NADK: variants seen among roughly 807,000 people sequenced by gnomAD.
The protein encoded by NADK is poly(P)/ATP NAD kinase.
A neutral mutation model predicts 49.8 loss-of-function variants in NADK; 22 were observed. That is an observed-to-expected ratio of 0.44 (90% CI 0.32 to 0.63). NADK has a LOEUF of 0.63. NADK is among the 30% of genes least tolerant of loss of function. The pLI, the probability that NADK is intolerant of heterozygous loss-of-function variation, is 0.06. For missense variants in NADK, 438 were observed against 609.4 expected, an observed-to-expected ratio of 0.72 and a Z score of 2.96; for synonymous variants, 268 against 253.7, an observed-to-expected ratio of 1.06 and a Z score of -0.54.
At position 1,758,419 on chromosome 1, in the gene NADK, T is replaced by G; in HGVS notation, c.264-1109A>C. ...GTCACTCATGCCATCCCCTATGAGC[T>G]CAGCACCTGCCGGGTCACACATGTG... is the stretch of plus-strand genomic sequence containing the variant. On this transcript the variant is annotated intron_variant, in intron 3 of 11. Coordinates refer to ENST00000341426, the MANE Select transcript of NADK (RefSeq NM_023018.5). 2.5e-6 allele frequency: 4 copies of G among 1,612,028 alleles called. No individual in the cohort carries two copies. The South Asian group carries it at 4.4e-5, about 18-fold the overall frequency.
At chr1:1,756,192 T>G in intron 6 of NADK, 66 bp downstream of exon 6, 2 of 1,420,038 alleles carry the variant, frequency 1.4e-6, no homozygotes, top group Non-Finnish European at 2.0e-6. Context: ...GCCATGCTTG[T>G]GAGCCCCTCG....
chr1:1,756,953 G>A (rs1267965899), intron 4 of NADK: 2 of 843,838 alleles, frequency 2.4e-6, no homozygotes, highest in African/African-American at 1.7e-5. Flanking sequence ...CCGGCCTCCA[G>A]GGCCACGAGC....
At chr1:1,769,407 C>T (rs1233874337) in intron 1 of NADK, among the ~76,000 whole-genome samples, 5 of 152,068 alleles carry the variant, frequency 3.3e-5, no homozygotes, top group South Asian at 2.1e-4. Flanking sequence ...AACAATTAGC[C>T]GGGCGTGGTG....
At chr1:1,771,546 A>G (rs1570577877) in intron 1 of NADK, among the ~76,000 whole-genome samples, 1 of 152,206 alleles carries the variant, frequency 6.6e-6, no homozygotes, top group East Asian at 1.9e-4. Context: ...TCAAGGAAAC[A>G]GGACGGCCAG....
rs1055247064 is a variant in NADK at position 1,757,401 on chromosome 1, A to G, written c.264-91T>C. ...TTAGAAAATAAAAAAAAAAATCTTT[A>G]AAAAGGTGTTTTCACCTCCCAGGGA... On this transcript the variant is annotated intron_variant, in intron 3 of 11. Coordinates refer to ENST00000341426, the MANE Select transcript of NADK (RefSeq NM_023018.5). The G allele has an allele frequency of 5.6e-5, 70 of 1,246,622 alleles. No individual in the cohort carries two copies. The East Asian group carries it at 1.5e-3, about 27-fold the overall frequency. 77.2% of individuals were successfully genotyped at this position (1,246,622 alleles called of 1,614,324 possible).
upstream of NADK, among the ~76,000 whole-genome samples, chr1:1,779,409 C>T (rs1254556987): frequency 6.6e-6 from 1 of 152,166 alleles, no homozygotes; most frequent in South Asian, 2.1e-4. Flanking sequence ...GTTCTCAGCT[C>T]TCGAGTCACT....
intron 1 of NADK, among the ~76,000 whole-genome samples, chr1:1,775,365 C>T (rs1238793593): frequency 6.6e-6 from 1 of 152,100 alleles, no homozygotes; most frequent in African/African-American, 2.4e-5. Context: ...TATTTAGTGA[C>T]AGAAATGGGG....
At position 1,757,168 on chromosome 1, in the gene NADK, C is replaced by A. The variant is rs766691195; in HGVS notation, c.393+13G>T. The stretch of plus-strand genomic sequence containing the variant: ...TGTGCACCCCAGGCCCCCTTCCCCC[C>A]TGCCCCGCGTGCCTCCATGAGGTGC... On this transcript the variant is annotated intron_variant, in intron 4 of 11. Coordinates refer to ENST00000341426, the MANE Select transcript of NADK (RefSeq NM_023018.5). 6 of 1,607,860 alleles carry A rather than the reference C, an allele frequency of 3.7e-6. No homozygotes were observed. The highest frequency in any genetic ancestry group is 5.1e-6 in the Non-Finnish European group (6 of 1,177,090).
At chr1:1,764,005 C>T (rs1194631906) in intron 2 of NADK, among the ~76,000 whole-genome samples, 2 of 152,310 alleles carry the variant, frequency 1.3e-5, no homozygotes, top group East Asian at 1.9e-4. Flanking sequence ...AACGAGGCAA[C>T]GAGGCATCTG....
chr1:1,756,503 C>T lies in NADK; in HGVS notation c.499G>A (p.Asp167Asn). Residue 167 changes from aspartate (D) to asparagine (N), a missense_variant and splice_region_variant, in exon 5 of 12, where the codon GAT becomes AAT. Transcript: ENST00000341426. ...AAGGACAGAGCTGCTGACAGCCCACCTTCTCGAAAGGTACAGAATTTCTTC... is the reference window on the plus strand; with the variant it reads ...AAGGACAGAGCTGCTGACAGCCCACTTTCTCGAAAGGTACAGAATTTCTTC... The part of the protein sequence containing the change: ...VKKKFCTFRE[D>N]YDDISNQIDF... 1 of 1,614,062 alleles carries T rather than the reference C, an allele frequency of 6.2e-7. No homozygotes were observed. Among genetic ancestry groups the T allele is most frequent in the Non-Finnish European group, 8.5e-7 (1 of 1,180,020 alleles).
At chr1:1,770,101 T>C (rs945781309) in intron 1 of NADK, among the ~76,000 whole-genome samples, 8 of 151,472 alleles carry the variant, frequency 5.3e-5, no homozygotes, top group Non-Finnish European at 7.4e-5. Context: ...CTGGAACCTA[T>C]GAGGTGGAGG....
chr1:1,777,981 G>A (rs893847169), intron 1 of NADK, among the ~76,000 whole-genome samples: 22 of 152,166 alleles, frequency 1.4e-4, no homozygotes, highest in Admixed American at 1.4e-3. Flanking sequence ...CGAGGACCTG[G>A]CCGCCCAAGC....
rs1014503411 is a variant in NADK, at chr1:1,770,129, C to T, written c.-40-4683G>A. Among the ~76,000 whole-genome samples the T allele has an allele frequency of 4.9e-4, 74 of 151,500 alleles. 1 individual carries two copies. Among genetic ancestry groups the T allele is most frequent in the African/African-American group, 1.7e-3 (70 of 41,198 alleles). ...GGTGGAGGGTGCAGTGAGCCGAGAT[C>T]GCACCACTCACTCCAGCCTGGGTGA... On this transcript the variant is annotated intron_variant, in intron 1 of 11. Transcript: ENST00000341426.
At chr1:1,773,037 A>G (rs1326989876) in intron 1 of NADK, among the ~76,000 whole-genome samples, 2 of 146,902 alleles carry the variant, frequency 1.4e-5, no homozygotes, top group Non-Finnish European at 3.0e-5. Flanking sequence ...GCCAAACTCC[A>G]TCTCAAAAAA....
chr1:1,777,760 C>G (rs1353302694), intron 1 of NADK, among the ~76,000 whole-genome samples: 1 of 152,178 alleles, frequency 6.6e-6, no homozygotes, highest in Non-Finnish European at 1.5e-5. Flanking sequence ...TACTGGATGG[C>G]AGCCGCCTGT....
At chr1:1,758,583 C>T in intron 3 of NADK, 2 of 1,514,066 alleles carry the variant, frequency 1.3e-6, no homozygotes, top group Admixed American at 2.1e-5. Context: ...TCTTCATACT[C>T]AAAACTCAAA....
At chr1:1,775,096 G>A (rs1646174003) in intron 1 of NADK, among the ~76,000 whole-genome samples, 1 of 151,632 alleles carries the variant, frequency 6.6e-6, no homozygotes, top group African/African-American at 2.4e-5. Context: ...GGGACAGAGT[G>A]AGACTCCGCC....
chr1:1,758,173 C>T (rs1318444733), intron 3 of NADK, among the ~76,000 whole-genome samples: 1 of 152,208 alleles, frequency 6.6e-6, no homozygotes, highest in East Asian at 1.9e-4. Context: ...TACCACCGCG[C>T]CAGCCAGCTA....
intron 3 of NADK, among the ~76,000 whole-genome samples, chr1:1,760,948 G>A (rs1457821146): frequency 6.6e-6 from 1 of 152,076 alleles, no homozygotes; most frequent in East Asian, 1.9e-4. Flanking sequence ...TCCCGCCCCA[G>A]CCTCCTTGGC....
Sources: allele counts gnomAD v4.1 joint callset (sites outside exome capture counted in the v4.1 genomes callset), GRCh38; gene constraint gnomAD v4.1.1; transcripts MANE v1.5; gene names NCBI Gene and HGNC (gene_info 2026-07-23, HGNC 2026-07-21).